Variants in NDUFS4 observed in about 807,000 individuals in gnomAD.
NDUFS4 encodes NADH:ubiquinone oxidoreductase subunit S4.
Under a neutral mutation model 24.3 loss-of-function variants are expected in NDUFS4, and 28 were observed. The ratio of observed to expected loss-of-function variants is 1.15; its 90% confidence interval spans 0.85 to 1.58. NDUFS4 has a LOEUF of 1.58. NDUFS4 is among the 40% of genes most tolerant of loss of function. The pLI is 0.00. For missense variants in NDUFS4, 223 were observed against 207.9 expected (o/e 1.07, Z -0.45); for synonymous variants, 93 against 69.7 (o/e 1.34, Z -1.67).
intron 1 of NDUFS4, among the ~76,000 whole-genome samples, chr5:53,593,609 T>TC (rs922421333): frequency 6.1e-4 from 93 of 151,972 alleles, no homozygotes; most frequent in African/African-American, 2.1e-3. Context: ...CCTTTTTTTT[T>TC]TTCTAGTTTC....
intron 1 of NDUFS4, among the ~76,000 whole-genome samples, chr5:53,594,189 G>C (rs142979764): frequency 6.6e-5 from 10 of 152,196 alleles, no homozygotes; most frequent in Non-Finnish European, 1.2e-4. Flanking sequence ...AGTTTCATCA[G>C]TGTTTGCATA....
At chr5:53,629,771 G>A (rs913222099) in intron 2 of NDUFS4, among the ~76,000 whole-genome samples, 1 of 151,774 alleles carries the variant, frequency 6.6e-6, no homozygotes, top group Non-Finnish European at 1.5e-5. Flanking sequence ...GCCTATGCAT[G>A]TCTTTGCCTG....
chr5:53,657,989 G>T (rs1424355660), intron 3 of NDUFS4, among the ~76,000 whole-genome samples: 1 of 151,798 alleles, frequency 6.6e-6, no homozygotes, highest in Non-Finnish European at 1.5e-5. Context: ...AAGAGCCTAT[G>T]TAGATTTGTA....
At chr5:53,682,780 C>T (rs1740710081) in intron 4 of NDUFS4, among the ~76,000 whole-genome samples, 1 of 152,006 alleles carries the variant, frequency 6.6e-6, no homozygotes, top group Non-Finnish European at 1.5e-5. Flanking sequence ...TTCATTGCAA[C>T]TATTTTAAAG....
rs564053878 is a variant in NDUFS4 at position 53,597,515 on chromosome 5, T to C, written c.99-5937T>C. Among the ~76,000 whole-genome samples, 85 of 152,302 alleles carry C rather than the reference T, an allele frequency of 5.6e-4. 2 individuals carry two copies. In the South Asian group the frequency reaches 0.017, roughly 31 times the overall value. On this transcript the variant is annotated intron_variant, in intron 1 of 4. Coordinates refer to ENST00000296684, the MANE Select transcript of NDUFS4 (RefSeq NM_002495.4). ...TTGATAGGTAGTTTCAAAAGGGACA[T>C]AGTATTAGTACGTTGGGTCAGTAGT... is the stretch of plus-strand genomic sequence containing the variant.
At chr5:53,648,514 A>G (rs1309954557) in intron 3 of NDUFS4, among the ~76,000 whole-genome samples, 1 of 152,228 alleles carries the variant, frequency 6.6e-6, no homozygotes, top group Admixed American at 6.5e-5. Flanking sequence ...AGCTTCAAAG[A>G]ATAAATACCA....
intron 1 of NDUFS4, among the ~76,000 whole-genome samples, chr5:53,577,256 T>A (rs1400219369): frequency 6.6e-6 from 1 of 152,206 alleles, no homozygotes; most frequent in Non-Finnish European, 1.5e-5. Flanking sequence ...TAAGTTCTCA[T>A]TCCCTTTTGA....
intron 4 of NDUFS4, among the ~76,000 whole-genome samples, chr5:53,668,466 G>T (rs1752578129): frequency 6.6e-6 from 1 of 151,596 alleles, no homozygotes; most frequent in Admixed American, 6.6e-5. Flanking sequence ...TTTTGGAGGG[G>T]TTCGGGGCTG....
intron 4 of NDUFS4, among the ~76,000 whole-genome samples, chr5:53,679,044 A>G (rs1259381108): frequency 6.6e-6 from 1 of 152,170 alleles, no homozygotes; most frequent in East Asian, 1.9e-4. Context: ...TATTATGATG[A>G]CAGCCCTACA....
At chr5:53,587,884 A>T (rs1749814827) in intron 1 of NDUFS4, among the ~76,000 whole-genome samples, 1 of 152,096 alleles carries the variant, frequency 6.6e-6, no homozygotes, top group African/African-American at 2.4e-5. Flanking sequence ...GCAATACTTC[A>T]CTTTTTTAAG....
chr5:53,664,468 C>T (rs920354727), intron 4 of NDUFS4, among the ~76,000 whole-genome samples: 5 of 152,174 alleles, frequency 3.3e-5, no homozygotes, highest in African/African-American at 1.2e-4. Context: ...TCAGGTACAC[C>T]AATCAGACGT....
chr5:53,570,941 C>T (rs1374248504), intron 1 of NDUFS4, among the ~76,000 whole-genome samples: 5 of 152,166 alleles, frequency 3.3e-5, no homozygotes, highest in South Asian at 2.1e-4. Flanking sequence ...GCCTCGGCCT[C>T]CCAAAGCGCT....
chr5:53,648,385 G>A (rs1026856312), intron 3 of NDUFS4, among the ~76,000 whole-genome samples: 7 of 152,184 alleles, frequency 4.6e-5, no homozygotes, highest in Admixed American at 3.3e-4. Flanking sequence ...ACAACAGATG[G>A]AGGAACATTT....
chr5:53,625,484 A>G (rs1751191411), intron 2 of NDUFS4, among the ~76,000 whole-genome samples: 1 of 152,148 alleles, frequency 6.6e-6, no homozygotes, highest in African/African-American at 2.4e-5. Flanking sequence ...TAACTATAAC[A>G]CTTATATTGT....
chr5:53,678,039 TTTTA>T (rs1309171728), intron 4 of NDUFS4, among the ~76,000 whole-genome samples: 4 of 152,336 alleles, frequency 2.6e-5, no homozygotes, highest in African/African-American at 7.2e-5. Context: ...ATGAAGTTGA[TTTTA>T]TTTTTCTGTC....
chr5:53,637,797 A>T (rs1246277737), intron 2 of NDUFS4, among the ~76,000 whole-genome samples: 1 of 152,118 alleles, frequency 6.6e-6, no homozygotes, highest in Non-Finnish European at 1.5e-5. Flanking sequence ...AGTTCTGGAA[A>T]TTCTTATGCA....
At chr5:53,591,461 T>TGGGGGGG (rs374748766) in intron 1 of NDUFS4, among the ~76,000 whole-genome samples, 1 of 81,190 alleles carries the variant, frequency 1.2e-5, no homozygotes, top group Non-Finnish European at 2.3e-5. Context: ...TTGTTTTTTT[T>TGGGGGGG]GGGGGGGGGG....
intron 1 of NDUFS4, among the ~76,000 whole-genome samples, chr5:53,577,986 A>G (rs987841886): frequency 1.3e-5 from 2 of 152,158 alleles, no homozygotes; most frequent in East Asian, 1.9e-4. Flanking sequence ...GACTTAGGGT[A>G]GTTAAGAGAA....
chr5:53,662,993 A>G (rs1752392699), intron 4 of NDUFS4, among the ~76,000 whole-genome samples: 1 of 151,594 alleles, frequency 6.6e-6, no homozygotes, highest in South Asian at 2.1e-4. Flanking sequence ...ACTGCTTTGA[A>G]TGTGTCCCAG....
Sources: gnomAD v4.1 joint callset for allele counts (sites outside exome capture counted in the v4.1 genomes callset) on GRCh38, gnomAD v4.1.1 for gene constraint, MANE v1.5 for transcripts, NCBI Gene and HGNC (gene_info 2026-07-23, HGNC 2026-07-21) for gene names.